Variants in SLC2A13 observed in about 807,000 individuals in gnomAD.
SLC2A13 encodes solute carrier family 2 member 13, also known as proton myo-inositol cotransporter.
A neutral mutation model predicts 64.4 loss-of-function variants in SLC2A13; 32 were observed. The ratio of observed to expected loss-of-function variants is 0.50; its 90% CI spans 0.37 to 0.67. The LOEUF is 0.67. SLC2A13 is among the 30% of genes least tolerant of loss of function. The pLI, the probability that SLC2A13 is intolerant of heterozygous loss-of-function variation, is 0.00. For missense variants in SLC2A13, 743 were observed against 829.2 expected (o/e 0.90, Z 1.28); for synonymous variants, 338 against 327.1 (o/e 1.03, Z -0.36).
At chr12:40,012,198 A>T (rs1947542766) in intron 3 of SLC2A13, among the ~76,000 whole-genome samples, 2 of 152,244 alleles carry the variant, frequency 1.3e-5, no homozygotes, top group Admixed American at 1.3e-4. Context: ...TATCAACAGA[A>T]ACCTACTAAA....
intron 5 of SLC2A13, 22 bp from the exon 6 acceptor site, chr12:39,864,904 AT>A: frequency 6.3e-7 from 1 of 1,599,294 alleles, no homozygotes; most frequent in Non-Finnish European, 8.5e-7. Flanking sequence ...AAAGTTTTAT[AT>A]TAGAGAAGAG....
intron 4 of SLC2A13, among the ~76,000 whole-genome samples, chr12:39,910,968 C>G (rs924560424): frequency 2.0e-5 from 3 of 152,006 alleles, no homozygotes; most frequent in Admixed American, 2.0e-4. Context: ...CTTGTAATCC[C>G]AGCTATTCAG....
chr12:39,956,748 CTTTT>C (rs1360885126), intron 3 of SLC2A13, among the ~76,000 whole-genome samples: 7 of 152,204 alleles, frequency 4.6e-5, no homozygotes, highest in Admixed American at 1.3e-4. Flanking sequence ...TCTTCCCTTT[CTTTT>C]TGTTTTATTT....
chr12:39,897,637 T>C (rs1944962967), intron 4 of SLC2A13, among the ~76,000 whole-genome samples: 1 of 152,206 alleles, frequency 6.6e-6, no homozygotes, highest in South Asian at 2.1e-4. Flanking sequence ...ATGGCTAGCA[T>C]ACTGAGAAGG....
intron 3 of SLC2A13, among the ~76,000 whole-genome samples, chr12:39,975,905 T>G (rs1484167647): frequency 6.6e-6 from 1 of 152,208 alleles, no homozygotes. Context: ...TTCTTAAAGT[T>G]GAAGATTCTA....
chr12:39,957,332 C>A (rs999247888), intron 3 of SLC2A13, among the ~76,000 whole-genome samples: 3 of 152,040 alleles, frequency 2.0e-5, no homozygotes, highest in Non-Finnish European at 4.4e-5. Flanking sequence ...TTTTGTATGC[C>A]CACTTAAATA....
intron 3 of SLC2A13, among the ~76,000 whole-genome samples, chr12:40,001,745 A>G (rs945721140): frequency 2.6e-5 from 4 of 152,240 alleles, no homozygotes; most frequent in African/African-American, 9.6e-5. Flanking sequence ...GTCTATAAAT[A>G]AAATTAAATG....
At position 39,759,129 on chromosome 12, in the gene SLC2A13, G is replaced by A. The variant is rs986176908; in HGVS notation, c.*897C>T. 1 of 152,390 alleles carries A rather than the reference G, an allele frequency of 6.6e-6. No homozygotes were observed. Among genetic ancestry groups the A allele is most frequent in the Non-Finnish European group, 1.5e-5 (1 of 67,884 alleles). 9.4% of individuals were successfully genotyped at this position (152,390 alleles called of 1,614,324 possible). ...GTAGGACTCCAAGGCCAATGAGGAA[G>A]GTGTAGTGATTTGGGCATGAACAAA... On this transcript the variant is annotated 3_prime_UTR_variant, in exon 10 of 10. Transcript: ENST00000280871.
At chr12:39,931,974 G>A (rs1334589238) in intron 4 of SLC2A13, among the ~76,000 whole-genome samples, 1 of 151,856 alleles carries the variant, frequency 6.6e-6, no homozygotes, top group Non-Finnish European at 1.5e-5. Flanking sequence ...TGTTACTCTT[G>A]TAGCTGTTCT....
chr12:40,100,656 G>C (rs1939112381), intron 1 of SLC2A13, among the ~76,000 whole-genome samples: 1 of 152,050 alleles, frequency 6.6e-6, no homozygotes, highest in South Asian at 2.1e-4. Context: ...TGTGTGTAAA[G>C]AACATACAAA....
At chr12:39,907,569 A>G (rs1274942470) in intron 4 of SLC2A13, 5 of 152,140 alleles carry the variant, frequency 3.3e-5, no homozygotes, top group Non-Finnish European at 7.4e-5. Flanking sequence ...TGATGTTTTA[A>G]TGGAAAAGTA....
chr12:39,930,153 A>G (rs552324257), intron 4 of SLC2A13, among the ~76,000 whole-genome samples: 1 of 151,832 alleles, frequency 6.6e-6, no homozygotes, highest in Non-Finnish European at 1.5e-5. Context: ...AAACCAAAAA[A>G]CGAAAAAGAA....
At position 40,028,362 on chromosome 12, in the gene SLC2A13, AATGGTCTGGTTACCACGC is replaced by A. The variant is rs1947854518; in HGVS notation, c.846_863del (p.Met282_Thr287del). The A allele has an allele frequency of 1.2e-6, 2 of 1,614,060 alleles. No homozygotes were observed. Among genetic ancestry groups the A allele is most frequent in the Non-Finnish European group, 1.7e-6 (2 of 1,179,994 alleles). On this transcript the variant is annotated inframe_deletion, in exon 3 of 10. Transcript: ENST00000280871. Reference sequence around the variant, plus strand: ...TTTTGATGCTATCATATTCCTCATCAATGGTCTGGTTACCACGCATCTGAGATAAAATTCTACGGGCCT... The same window carrying A: ...TTTTGATGCTATCATATTCCTCATCAATCTGAGATAAAATTCTACGGGCCT...
chr12:39,991,629 C>T (rs1260924132), intron 3 of SLC2A13, among the ~76,000 whole-genome samples: 3 of 152,166 alleles, frequency 2.0e-5, no homozygotes, highest in African/African-American at 4.8e-5. Flanking sequence ...TACTTACCAG[C>T]CCCTTTGTCC....
intron 1 of SLC2A13, among the ~76,000 whole-genome samples, chr12:40,061,540 C>T (rs901257009): frequency 2.0e-5 from 3 of 152,084 alleles, no homozygotes; most frequent in African/African-American, 7.2e-5. Context: ...ACTATGTACA[C>T]AGCATTTACA....
chr12:39,794,890 G>A (rs1399648351), intron 7 of SLC2A13, among the ~76,000 whole-genome samples: 1 of 152,162 alleles, frequency 6.6e-6, no homozygotes, highest in Non-Finnish European at 1.5e-5. Flanking sequence ...GAAGAAATGA[G>A]CTGTCAGTCT....
At position 39,892,187 on chromosome 12, in the gene SLC2A13, C is replaced by G. The variant is rs191388399; in HGVS notation, c.1035-20226G>C. Among the ~76,000 whole-genome samples the G allele has an allele frequency of 1.2e-3, 190 of 152,328 alleles. 1 individual carries two copies. The highest frequency in any genetic ancestry group is 4.3e-3 in the African/African-American group (180 of 41,576). On this transcript the variant is annotated intron_variant, in intron 4 of 9. Coordinates refer to ENST00000280871, the MANE Select transcript of SLC2A13 (RefSeq NM_052885.4). ...AAAAAGAGCTTGAGCAGAGAAGCAG[C>G]CATAGCTATATTTCTGTAATTAATA...
intron 1 of SLC2A13, among the ~76,000 whole-genome samples, chr12:40,103,910 C>T (rs1939220216): frequency 6.6e-6 from 1 of 152,196 alleles, no homozygotes; most frequent in African/African-American, 2.4e-5. Context: ...TTACGGAGAG[C>T]TTTGCCCTAC....
In SLC2A13 at chr12:40,090,586, T is replaced by C. The variant is rs182066765; in HGVS notation, c.556+14667A>G. ...ACTATAATTCTGTATTCTTAATATATATTCATGTTTATTTGAAAATGCATG... is the reference window on the plus strand; with the variant it reads ...ACTATAATTCTGTATTCTTAATATACATTCATGTTTATTTGAAAATGCATG... On this transcript the variant is annotated intron_variant, in intron 1 of 9. Transcript: ENST00000280871. Among the ~76,000 whole-genome samples, 356 of 152,300 alleles carry C rather than the reference T, an allele frequency of 2.3e-3. 4 individuals are homozygous for C. Among genetic ancestry groups the C allele is most frequent in the Admixed American group, 0.022 (334 of 15,284 alleles).
Sources: allele counts gnomAD v4.1 joint callset (sites outside exome capture counted in the v4.1 genomes callset), GRCh38; gene constraint gnomAD v4.1.1; transcripts MANE v1.5; gene names NCBI Gene and HGNC (gene_info 2026-07-23, HGNC 2026-07-21).